AFG2A: variants seen among roughly 807,000 people sequenced by gnomAD.
AFG2A encodes AAA ATPase AFG2A.
the AFG2A span, chr4:122,934,343 C>G: frequency 6.2e-7 from 1 of 1,614,178 alleles, no homozygotes; most frequent in Non-Finnish European, 8.5e-7. Flanking sequence ...TCAAGAAGTA[C>G]TCCTTATAAA....
the AFG2A span, among the ~76,000 whole-genome samples, chr4:122,938,652 G>A: frequency 3.3e-5 from 5 of 151,786 alleles, no homozygotes; most frequent in African/African-American, 4.8e-5. Flanking sequence ...GTGCAGTGGC[G>A]CAGTCTCAGC....
chr4:122,936,211 A>G, the AFG2A span: 1 of 1,386,416 alleles, frequency 7.2e-7, no homozygotes, highest in South Asian at 1.3e-5. Flanking sequence ...TATTAGTCAA[A>G]GTGAGATACT....
At chr4:123,223,885 G>A in the AFG2A span, among the ~76,000 whole-genome samples, 5 of 152,254 alleles carry the variant, frequency 3.3e-5, no homozygotes, top group African/African-American at 1.2e-4. Flanking sequence ...TCACTCTGTC[G>A]ATTGTTTCCT....
chr4:123,016,382 G>A, the AFG2A span, among the ~76,000 whole-genome samples: 12 of 150,686 alleles, frequency 8.0e-5, no homozygotes, highest in East Asian at 2.0e-4. Flanking sequence ...GTTGCCAGGC[G>A]GAGGGTCTCC....
At chr4:123,115,241 G>C in the AFG2A span, among the ~76,000 whole-genome samples, 2 of 152,118 alleles carry the variant, frequency 1.3e-5, no homozygotes, top group South Asian at 2.1e-4. Context: ...AGACCCTGCC[G>C]GGGGGCACCT....
the AFG2A span, among the ~76,000 whole-genome samples, chr4:123,012,664 C>G: frequency 6.6e-6 from 1 of 152,170 alleles, no homozygotes; most frequent in Non-Finnish European, 1.5e-5. Context: ...TAAAACGCAT[C>G]TCCTTTGTCT....
chr4:123,046,113 G>C, the AFG2A span, among the ~76,000 whole-genome samples: 4 of 151,342 alleles, frequency 2.6e-5, no homozygotes, highest in South Asian at 8.4e-4. Context: ...AAAAAAGAAA[G>C]AAAGAAAAAG....
the AFG2A span, among the ~76,000 whole-genome samples, chr4:122,968,300 A>G: frequency 0.041 from 6,189 of 152,162 alleles, 402 homozygotes; most frequent in African/African-American, 0.14. Context: ...TTCTTTCTCA[A>G]TGTATTGCAT....
At chr4:123,317,278 A>G in the AFG2A span, 2 of 150,586 alleles carry the variant, frequency 1.3e-5, no homozygotes, top group Non-Finnish European at 3.0e-5. Flanking sequence ...TTACCTGCCC[A>G]TGGCTTTAGA....
At chr4:123,083,598 T>C in the AFG2A span, among the ~76,000 whole-genome samples, 1,528 of 150,726 alleles carry the variant, frequency 0.01, 38 homozygotes, top group African/African-American at 0.034. Flanking sequence ...AGACAGGGTC[T>C]CACTCTGTTG....
chr4:123,237,927 G>A, the AFG2A span, among the ~76,000 whole-genome samples: 1 of 152,164 alleles, frequency 6.6e-6, no homozygotes, highest in Non-Finnish European at 1.5e-5. Flanking sequence ...CCTAGCCAAG[G>A]GAAGCCATGA....
chr4:123,052,599 T>G, the AFG2A span, among the ~76,000 whole-genome samples: 2 of 152,214 alleles, frequency 1.3e-5, no homozygotes, highest in African/African-American at 4.8e-5. Context: ...TTTAGAGACC[T>G]TCCAAGAATT....
chr4:123,288,069 G>A, the AFG2A span, among the ~76,000 whole-genome samples: 2 of 152,090 alleles, frequency 1.3e-5, no homozygotes, highest in East Asian at 1.9e-4. Flanking sequence ...GATTGGTGTC[G>A]CATGCTGCTG....
the AFG2A span, among the ~76,000 whole-genome samples, chr4:123,006,905 T>TTTG: frequency 6.7e-6 from 1 of 150,078 alleles, no homozygotes; most frequent in Non-Finnish European, 1.5e-5. Context: ...GTTATTTTTT[T>TTTG]TTTCCATTTG....
At chr4:123,057,113 A>C in the AFG2A span, 1 of 1,262,112 alleles carries the variant, frequency 7.9e-7, no homozygotes, top group Non-Finnish European at 1.2e-6. Context: ...ACTTGTACCT[A>C]ATAGGTTTGG....
At chr4:123,132,285 C>T in the AFG2A span, among the ~76,000 whole-genome samples, 4,375 of 152,170 alleles carry the variant, frequency 0.029, 85 homozygotes, top group Non-Finnish European at 0.035. Flanking sequence ...ACTAATATCG[C>T]ACTTTTCCCA....
the AFG2A span, among the ~76,000 whole-genome samples, chr4:123,155,080 GTTTA>G: frequency 6.6e-6 from 1 of 151,480 alleles, no homozygotes; most frequent in Admixed American, 6.6e-5. Context: ...CCCTATTTCT[GTTTA>G]TTTGTTTGTT....
At chr4:122,973,602 G>A in the AFG2A span, among the ~76,000 whole-genome samples, 1 of 152,070 alleles carries the variant, frequency 6.6e-6, no homozygotes, top group African/African-American at 2.4e-5. Flanking sequence ...TTAGGGGCTA[G>A]TATGCATTGC....
the AFG2A span, among the ~76,000 whole-genome samples, chr4:122,962,289 C>T: frequency 2.6e-5 from 4 of 151,948 alleles, no homozygotes; most frequent in Admixed American, 2.0e-4. Context: ...TTACAAGGGA[C>T]GTATTATTGT....
Sources: gnomAD v4.1 joint callset for allele counts (sites outside exome capture counted in the v4.1 genomes callset) on GRCh38, gnomAD v4.1.1 for gene constraint, MANE v1.5 for transcripts, NCBI Gene and HGNC (gene_info 2026-07-23, HGNC 2026-07-21) for gene names.